BTRC: variants seen among roughly 807,000 people sequenced by gnomAD.
BTRC encodes the protein beta-transducin repeat containing E3 ubiquitin protein ligase.
Under a neutral mutation model 85.5 loss-of-function variants are expected in BTRC, and 42 were observed. The observed-to-expected ratio is 0.49, with a 90% CI of 0.38 to 0.64. The LOEUF (loss-of-function observed/expected upper bound fraction) is 0.64, where lower values mean the gene tolerates loss of function less well. BTRC is among the 30% of genes least tolerant of loss of function. The pLI is 0.00. For missense variants in BTRC, 594 were observed against 743.5 expected, an observed-to-expected ratio of 0.80 and a Z score of 2.34; for synonymous variants, 255 against 263.3, an observed-to-expected ratio of 0.97 and a Z score of 0.30.
intron 1 of BTRC, among the ~76,000 whole-genome samples, chr10:101,366,613 C>G (rs1424533474): frequency 6.7e-6 from 1 of 149,282 alleles, no homozygotes; most frequent in Non-Finnish European, 1.5e-5. Flanking sequence ...CTGAGGTGGG[C>G]AATTCCAAGA....
rs117189620 is a variant in BTRC, at chr10:101,394,592, T to C, written c.49-35753T>C. Among the ~76,000 whole-genome samples, 1,333 of 152,182 alleles carry C rather than the reference T, an allele frequency of 8.8e-3. 43 individuals carry two copies. The highest frequency in any genetic ancestry group is 0.053 in the East Asian group (276 of 5,174). On this transcript the variant is annotated intron_variant, in intron 1 of 14. Transcript: ENST00000370187. ...TAGTCACAGACTGACTAGTAATGAG[T>C]AAAACAAAAGCAAACTGCCTCTTAA... is the stretch of plus-strand genomic sequence containing the variant.
chr10:101,454,778 G>T (rs771033278), intron 2 of BTRC, among the ~76,000 whole-genome samples: 1 of 152,156 alleles, frequency 6.6e-6, no homozygotes, highest in Non-Finnish European at 1.5e-5. Flanking sequence ...GCAAGACCCT[G>T]TCTTTAAAAA....
At chr10:101,435,521 T>C (rs1589463258) in intron 2 of BTRC, among the ~76,000 whole-genome samples, 1 of 152,344 alleles carries the variant, frequency 6.6e-6, no homozygotes, top group African/African-American at 2.4e-5. Flanking sequence ...ATGTTACGTA[T>C]ATCAGTAGTT....
At chr10:101,381,822 G>A (rs1303149646) in intron 1 of BTRC, among the ~76,000 whole-genome samples, 3 of 151,904 alleles carry the variant, frequency 2.0e-5, no homozygotes, top group Non-Finnish European at 4.4e-5. Flanking sequence ...CCTTCTGCAT[G>A]TATTTTCTAA....
chr10:101,489,415 G>C (rs1946072198), intron 4 of BTRC, among the ~76,000 whole-genome samples: 1 of 152,062 alleles, frequency 6.6e-6, no homozygotes, highest in Non-Finnish European at 1.5e-5. Context: ...CTTAATACTT[G>C]TATGGATTTT....
chr10:101,460,668 G>T (rs4919549), intron 2 of BTRC, among the ~76,000 whole-genome samples: 1 of 152,006 alleles, frequency 6.6e-6, no homozygotes, highest in African/African-American at 2.4e-5. Context: ...GACACAGTAC[G>T]TTTTTTATCT....
chr10:101,415,975 G>A (rs1412099925), intron 1 of BTRC, among the ~76,000 whole-genome samples: 2 of 152,160 alleles, frequency 1.3e-5, no homozygotes, highest in Non-Finnish European at 2.9e-5. Flanking sequence ...GGAGCAATAT[G>A]CTCTACCTAT....
At chr10:101,476,918 A>T (rs1945704555) in intron 3 of BTRC, among the ~76,000 whole-genome samples, 1 of 152,168 alleles carries the variant, frequency 6.6e-6, no homozygotes. Flanking sequence ...ACTAACGTCA[A>T]CTGGGGCCTT....
At chr10:101,517,360 G>A (rs1490421509) in intron 4 of BTRC, among the ~76,000 whole-genome samples, 2 of 152,152 alleles carry the variant, frequency 1.3e-5, no homozygotes, top group Non-Finnish European at 2.9e-5. Flanking sequence ...AAGAGTTCAG[G>A]GCTGCAGTGA....
intron 9 of BTRC, among the ~76,000 whole-genome samples, chr10:101,534,137 A>T (rs1307679714): frequency 1.3e-5 from 2 of 152,194 alleles, no homozygotes; most frequent in East Asian, 3.8e-4. Flanking sequence ...TGGGGGGTCT[A>T]TTTTAAACCC....
intron 4 of BTRC, among the ~76,000 whole-genome samples, chr10:101,515,077 T>C (rs184825420): frequency 6.7e-4 from 102 of 152,148 alleles, no homozygotes; most frequent in Middle Eastern, 3.4e-3. Context: ...TGCCTCAGCC[T>C]TCAGGGTAGC....
intron 2 of BTRC, among the ~76,000 whole-genome samples, chr10:101,444,736 A>T (rs955171627): frequency 4.6e-5 from 7 of 152,230 alleles, no homozygotes; most frequent in African/African-American, 1.4e-4. Context: ...CAGCATGCTA[A>T]TGCAAGTTTC....
intron 2 of BTRC, among the ~76,000 whole-genome samples, chr10:101,460,137 T>G (rs1403772790): frequency 1.3e-5 from 2 of 152,196 alleles, no homozygotes; most frequent in African/African-American, 4.8e-5. Context: ...GAGAGTTACT[T>G]GCAAATTCTA....
At chr10:101,535,503 A>T (rs1194506594) in intron 11 of BTRC, 31 bp downstream of exon 11, 2 of 1,402,690 alleles carry the variant, frequency 1.4e-6, no homozygotes, top group Non-Finnish European at 2.0e-6. Flanking sequence ...ATCATAAGGG[A>T]TCAATATTAT....
intron 1 of BTRC, among the ~76,000 whole-genome samples, chr10:101,418,931 ATGC>A: frequency 6.6e-6 from 1 of 152,216 alleles, no homozygotes; most frequent in East Asian, 1.9e-4. Context: ...TCATTGTAAA[ATGC>A]TTGTCTCAAT....
intron 2 of BTRC, among the ~76,000 whole-genome samples, chr10:101,458,836 G>T (rs1003832616): frequency 5.3e-5 from 8 of 152,196 alleles, no homozygotes; most frequent in African/African-American, 1.9e-4. Context: ...GGTGGCATCT[G>T]CTGGATTTCT....
chr10:101,487,840 G>GA (rs1166349267), intron 4 of BTRC, among the ~76,000 whole-genome samples: 1 of 152,116 alleles, frequency 6.6e-6, no homozygotes, highest in African/African-American at 2.4e-5. Flanking sequence ...CTCAGTTTCT[G>GA]AAAAGGAAAG....
chr10:101,553,133 T>C (rs539334797), intron 14 of BTRC, 22 bp from the exon 15 acceptor site: 60 of 152,792 alleles, frequency 3.9e-4, no homozygotes, highest in African/African-American at 1.3e-3. Flanking sequence ...GGCTAATGAC[T>C]ATTTGCTCTG....
At position 101,426,851 on chromosome 10, in the gene BTRC, G is replaced by A. The variant is rs116954743; in HGVS notation, c.49-3494G>A. ...ATGCCATGCAGGTGGCTTTAGTATG[G>A]TTAAAAGTGTCGCCTGCCCTCTTGT... On this transcript the variant is annotated intron_variant, in intron 1 of 14. Transcript: ENST00000370187. Among the ~76,000 whole-genome samples the A allele has an allele frequency of 1.6e-3, 240 of 152,272 alleles. 3 individuals carry two copies. In the East Asian group the frequency reaches 0.042, roughly 26 times the overall value.
Sources: allele counts gnomAD v4.1 joint callset (sites outside exome capture counted in the v4.1 genomes callset), GRCh38; gene constraint gnomAD v4.1.1; transcripts MANE v1.5; gene names NCBI Gene and HGNC (gene_info 2026-07-23, HGNC 2026-07-21).